The following ALG9 variants were observed in gnomAD, a reference collection of about 807,000 sequenced individuals.
ALG9 encodes the protein ALG9 alpha-1,2-mannosyltransferase, also known as alpha-1,2-mannosyltransferase ALG9.
Under a neutral mutation model 81.8 loss-of-function variants are expected in ALG9, and 55 were observed. The observed-to-expected ratio is 0.67, with a 90% CI of 0.54 to 0.84. ALG9 has a LOEUF of 0.84. Among genes scored for constraint, ALG9 ranks in the 40% least tolerant of loss-of-function variants. ALG9 has a pLI of 0.00. For synonymous variants in ALG9, 278 were observed against 274.3 expected, an observed-to-expected ratio of 1.01 and a Z score of -0.13; for missense variants, 629 against 745.0, an observed-to-expected ratio of 0.84 and a Z score of 1.81.
chr11:111,865,192 A>G lies in ALG9; in HGVS notation c.465T>C (p.Leu155=). 1 of 1,546,630 alleles carries G rather than the reference A, an allele frequency of 6.5e-7. No individual in the cohort carries two copies. The highest frequency in any genetic ancestry group is 2.0e-5 in the Admixed American group (1 of 49,406). The change falls in exon 4 of 15, where the codon CTT becomes CTC. Residue 155 remains leucine (L), a synonymous_variant. Coordinates refer to ENST00000616540, the MANE Select transcript of ALG9 (RefSeq NM_024740.2). ...GTTTTTATACTCACTTGTAAAAGTA[A>G]AGTTCACAAATACAGCTCACAAAAG... The part of the protein sequence containing the change: ...LLAFVSCICE[L]YFYKAVCKKF...
chr11:111,840,416 G>A (rs551617475), intron 10 of ALG9, among the ~76,000 whole-genome samples: 2 of 152,212 alleles, frequency 1.3e-5, no homozygotes, highest in South Asian at 4.1e-4. Flanking sequence ...GATTCCTGTT[G>A]GTAACAGAGG....
At chr11:111,814,910 TAAGCAAACAG>T in intron 13 of ALG9, among the ~76,000 whole-genome samples, 1 of 152,342 alleles carries the variant, frequency 6.6e-6, no homozygotes, top group Admixed American at 6.5e-5. Context: ...CATGCCTCTG[TAAGCAAACAG>T]AACCAACAAG....
At chr11:111,793,752 G>T (rs1347387790) in intron 14 of ALG9, among the ~76,000 whole-genome samples, 2 of 139,068 alleles carry the variant, frequency 1.4e-5, no homozygotes, top group Admixed American at 7.4e-5. Flanking sequence ...CAGAGTGAGA[G>T]TCCAGCTCAA....
At chr11:111,823,832 G>A (rs533805706) in intron 13 of ALG9, among the ~76,000 whole-genome samples, 5 of 152,286 alleles carry the variant, frequency 3.3e-5, no homozygotes, top group Admixed American at 3.3e-4. Context: ...CCAATCAATT[G>A]TGGCACTCTT....
At chr11:111,871,260 C>T in intron 1 of ALG9, 92 bp downstream of exon 1, 1 of 1,332,398 alleles carries the variant, frequency 7.5e-7, no homozygotes. Flanking sequence ...CCAGGCCGGA[C>T]TGAGCCCCGC....
chr11:111,789,676 T>A (rs913638157), intron 14 of ALG9, among the ~76,000 whole-genome samples: 1 of 151,310 alleles, frequency 6.6e-6, no homozygotes, highest in Non-Finnish European at 1.5e-5. Flanking sequence ...CTACTAAAAG[T>A]ACAAAAATAA....
intron 14 of ALG9, among the ~76,000 whole-genome samples, chr11:111,808,438 C>T (rs1950236967): frequency 6.6e-6 from 1 of 152,210 alleles, no homozygotes; most frequent in African/African-American, 2.4e-5. Context: ...AGCCTTCCTG[C>T]TAGTCCAGCT....
rs1380192120 is a variant in ALG9, at chr11:111,844,692, A to G, written c.927T>C (p.Asn309=). 5.6e-6 allele frequency: 9 copies of G among 1,614,062 alleles called. No individual in the cohort carries two copies. The East Asian group carries it at 6.7e-5, about 12-fold the overall frequency. The change falls in exon 9 of 15, where the codon AAT becomes AAC. Residue 309 remains asparagine, a synonymous_variant. Coordinates refer to ENST00000616540, the MANE Select transcript of ALG9 (RefSeq NM_024740.2). ...AGGCTACATTGAAATTCAGAAATCC[A>G]TTAATTAAATAGAAATACCAGGGTT... ...GTEPWYFYLI[N]GFLNFNVAFA...
At chr11:111,862,210 C>CAACTCTGG (rs1471765065) in intron 4 of ALG9, among the ~76,000 whole-genome samples, 61 of 151,368 alleles carry the variant, frequency 4.0e-4, no homozygotes, top group Middle Eastern at 3.4e-3. Flanking sequence ...TCAGTTCTTT[C>CAACTCTGG]AACTCTGGCT....
intron 13 of ALG9, among the ~76,000 whole-genome samples, chr11:111,826,393 A>T (rs1031222400): frequency 3.1e-3 from 52 of 17,030 alleles, no homozygotes; most frequent in African/African-American, 0.016. Context: ...CCAGAGTTTA[A>T]AAAAAAAAAA....
At chr11:111,777,122 T>A in the ALG9 span, among the ~76,000 whole-genome samples, 1 of 151,388 alleles carries the variant, frequency 6.6e-6, no homozygotes, top group African/African-American at 2.5e-5. Flanking sequence ...TAATTGCCAC[T>A]AAGAGTAGCT....
intron 6 of ALG9, 57 bp downstream of exon 6, chr11:111,857,545 C>T (rs1958901030): frequency 1.9e-6 from 3 of 1,610,890 alleles, no homozygotes; most frequent in Non-Finnish European, 2.5e-6. Context: ...GCTAATCCAA[C>T]ATTAAGATTT....
At chr11:111,774,765 G>C in the ALG9 span, among the ~76,000 whole-genome samples, 1 of 152,190 alleles carries the variant, frequency 6.6e-6, no homozygotes, top group East Asian at 1.9e-4. Flanking sequence ...TTTAGTTCTT[G>C]GTTTACCATA....
intron 14 of ALG9, among the ~76,000 whole-genome samples, chr11:111,802,892 C>T (rs577785999): frequency 6.6e-6 from 1 of 152,286 alleles, no homozygotes; most frequent in South Asian, 2.1e-4. Context: ...TCTCTTATCA[C>T]CTCATCCCTT....
intron 3 of ALG9, among the ~76,000 whole-genome samples, chr11:111,868,067 G>A (rs1963066652): frequency 1.3e-5 from 2 of 152,044 alleles, no homozygotes; most frequent in Admixed American, 6.6e-5. Flanking sequence ...GGCTGAAAAA[G>A]TATTCAAAAA....
intron 14 of ALG9, among the ~76,000 whole-genome samples, chr11:111,795,383 G>A (rs1406789861): frequency 6.6e-6 from 1 of 152,170 alleles, no homozygotes; most frequent in Non-Finnish European, 1.5e-5. Flanking sequence ...CTAGAGTGGG[G>A]AGCTGGGGGG....
chr11:111,819,930 C>T (rs141511624), intron 13 of ALG9, among the ~76,000 whole-genome samples: 2 of 152,352 alleles, frequency 1.3e-5, no homozygotes, highest in African/African-American at 4.8e-5. Flanking sequence ...GGACAACTTC[C>T]AACACCACGC....
chr11:111,844,792 T>TAATG, intron 8 of ALG9, 69 bp from the exon 9 acceptor site: 1 of 1,539,230 alleles, frequency 6.5e-7, no homozygotes, highest in Non-Finnish European at 9.0e-7. Flanking sequence ...GCTTGACATA[T>TAATG]AATGTTCTTT....
intron 14 of ALG9, among the ~76,000 whole-genome samples, chr11:111,789,490 T>A (rs1555068434): frequency 6.6e-6 from 1 of 151,562 alleles, no homozygotes; most frequent in Non-Finnish European, 1.5e-5. Flanking sequence ...TCCACCTGCC[T>A]CAGCCTCCCA....
Sources: allele counts gnomAD v4.1 joint callset (sites outside exome capture counted in the v4.1 genomes callset), GRCh38; gene constraint gnomAD v4.1.1; transcripts MANE v1.5; gene names NCBI Gene and HGNC (gene_info 2026-07-23, HGNC 2026-07-21).